CDK12: variants seen among roughly 807,000 people sequenced by gnomAD.
CDK12 encodes cyclin-dependent kinase 12.
CDK12 carries 17 observed loss-of-function variants against 133.8 expected under a neutral mutation model. That is an observed-to-expected ratio of 0.13 (90% CI 0.09 to 0.19). The LOEUF (loss-of-function observed/expected upper bound fraction) is 0.19. Among genes scored for constraint, CDK12 ranks in the 10% least tolerant of loss-of-function variants. CDK12 has a pLI of 1.00. For missense variants in CDK12, 1,508 were observed against 1,818.7 expected (o/e 0.83, Z 3.11); for synonymous variants, 694 against 683.6 (o/e 1.02, Z -0.24).
At chr17:39,536,551 C>T (rs543020577), downstream of CDK12, among the ~76,000 whole-genome samples, 3 of 152,300 alleles carry the variant, frequency 2.0e-5, no homozygotes, top group Admixed American at 2.0e-4. Flanking sequence ...TTATCCTCTT[C>T]TTCCATATCC....
At chr17:39,480,481 G>T (rs752746575) in intron 2 of CDK12, among the ~76,000 whole-genome samples, 7 of 151,756 alleles carry the variant, frequency 4.6e-5, no homozygotes, top group Non-Finnish European at 8.8e-5. Flanking sequence ...TTTGCTAGTT[G>T]CCCAGGCTGG....
In CDK12 at chr17:39,531,093, G is replaced by A. The variant is rs1425980705; in HGVS notation, c.4250G>A (p.Gly1417Glu). 1 of 1,593,220 alleles carries A rather than the reference G, an allele frequency of 6.3e-7. No homozygotes were observed. The highest frequency in any genetic ancestry group is 2.2e-5 in the East Asian group (1 of 44,750). The change falls in exon 14 of 14, where the codon GGG becomes GAG. Residue 1417 changes from glycine (G) to glutamate (E), a missense_variant. Physicochemically the swap from Gly to Glu is moderately conservative, Grantham distance 98. This residue lies in a region of CDK12 where 114 missense variants were observed against 101.2 expected (regional missense o/e 1.13). Transcript: ENST00000447079. ...RVPLALHPVV[G>E]QPFLKAEGSS... ...CCCTTAGCGTTACACCCGGTGGTCG[G>A]GCAACCATTCCTGAAGGCTGAGGGA...
chr17:39,558,775 C>T (rs1003663513), intron 3 of CDK12, among the ~76,000 whole-genome samples: 7 of 152,148 alleles, frequency 4.6e-5, no homozygotes, highest in Non-Finnish European at 8.8e-5. Flanking sequence ...TCCCACGTAG[C>T]TGGGATTATA....
intron 6 of CDK12, among the ~76,000 whole-genome samples, chr17:39,503,308 A>G (rs1165771564): frequency 1.3e-5 from 2 of 152,138 alleles, no homozygotes; most frequent in African/African-American, 2.4e-5. Flanking sequence ...CCTGACCTCA[A>G]GTGATCTGCC....
chr17:39,525,955 A>C lies in CDK12; in HGVS notation c.3399A>C (p.Gln1133His). 6.2e-7 allele frequency: 1 copy of C among 1,614,206 alleles called. No individual in the cohort carries two copies. The highest frequency in any genetic ancestry group is 8.5e-7 in the Non-Finnish European group (1 of 1,180,042). ...LQSQTDLSIP[Q>H]MAQLLNIHSN... ...GCCAAACCGACCTGAGCATCCCTCA[A>C]ATGGCACAGCTGCTTAACATCCACT... Residue 1133 changes from glutamine to histidine, a missense_variant, in exon 13 of 14, where the codon CAA (glutamine) becomes CAC (histidine). By Grantham distance (24) the Gln-to-His change is conservative. Transcript: ENST00000447079.
At chr17:39,506,746 T>TG (rs1487014516) in intron 6 of CDK12, among the ~76,000 whole-genome samples, 1 of 152,122 alleles carries the variant, frequency 6.6e-6, no homozygotes, top group Non-Finnish European at 1.5e-5. Context: ...ACTGTGTACT[T>TG]GAAGTTCTTC....
At chr17:39,470,234 C>CCT (rs1408313757) in intron 1 of CDK12, among the ~76,000 whole-genome samples, 1 of 151,726 alleles carries the variant, frequency 6.6e-6, no homozygotes, top group Non-Finnish European at 1.5e-5. Context: ...CATTCTCCTG[C>CCT]CTCAGCCTCC....
At chr17:39,562,184 C>T (rs1209113948) in intron 3 of CDK12, among the ~76,000 whole-genome samples, 4 of 152,078 alleles carry the variant, frequency 2.6e-5, no homozygotes, top group South Asian at 2.1e-4. Flanking sequence ...GTGATCCACC[C>T]GCCTCAGCCT....
At chr17:39,521,107 A>T (rs969119768) in intron 11 of CDK12, among the ~76,000 whole-genome samples, 6 of 151,442 alleles carry the variant, frequency 4.0e-5, no homozygotes, top group Non-Finnish European at 7.4e-5. Flanking sequence ...GGCCTCCCAA[A>T]GTGCTGGGAT....
At chr17:39,539,157 TA>T (rs1273833864), downstream of CDK12, among the ~76,000 whole-genome samples, 2 of 152,156 alleles carry the variant, frequency 1.3e-5, no homozygotes, top group Non-Finnish European at 2.9e-5. Context: ...AACATGTTGA[TA>T]AGAGTTAGGA....
chr17:39,515,693 G>T, intron 8 of CDK12, 38 bp from the exon 9 acceptor site: 1 of 1,411,496 alleles, frequency 7.1e-7, no homozygotes, highest in South Asian at 1.2e-5. Context: ...TAGGCTCTAA[G>T]AATTTCTCTT....
At chr17:39,473,474 G>A (rs2049952691) in intron 2 of CDK12, among the ~76,000 whole-genome samples, 1 of 152,134 alleles carries the variant, frequency 6.6e-6, no homozygotes, top group South Asian at 2.1e-4. Context: ...GGGCTTGGTG[G>A]CTCACGCCTG....
At chr17:39,535,637 C>T (rs2055100895), downstream of CDK12, among the ~76,000 whole-genome samples, 1 of 152,182 alleles carries the variant, frequency 6.6e-6, no homozygotes. Context: ...CTAGATTTTT[C>T]TGTCATACCC....
rs1037663301 is a variant in CDK12, at chr17:39,524,860, G to T, written c.3282G>T (p.Val1094=). 1 of 1,613,984 alleles carries T rather than the reference G, an allele frequency of 6.2e-7. No homozygotes were observed. Among genetic ancestry groups the T allele is most frequent in the Non-Finnish European group, 8.5e-7 (1 of 1,179,876 alleles). ...PAPPQPAPGK[V]ESGAGDAIGL... ...CACCTCAGCCTGCTCCTGGCAAGGT[G>T]GAGTCTGGGGCTGGGGATGCAATAG... Residue 1094 remains valine (V), a synonymous_variant, in exon 12 of 14, where the codon GTG becomes GTT. Coordinates refer to ENST00000447079, the MANE Select transcript of CDK12 (RefSeq NM_016507.4).
chr17:39,559,361 A>G (rs2056282508), intron 3 of CDK12, among the ~76,000 whole-genome samples: 1 of 152,238 alleles, frequency 6.6e-6, no homozygotes, highest in Admixed American at 6.5e-5. Flanking sequence ...ATGTATATAT[A>G]TTAAGTACTA....
At position 39,532,097 on chromosome 17, in the gene CDK12, TC is replaced by T. The variant is rs1395797185; in HGVS notation, c.*782del. The T allele has an allele frequency of 4.4e-5, 8 of 181,536 alleles. No homozygotes were observed. The highest frequency in any genetic ancestry group is 1.8e-4 in the Admixed American group (2 of 11,154). The allele number at this position is 181,536 out of a possible 1,614,324, so 11.2% of individuals were successfully genotyped here. A position where few individuals can be genotyped will look rare whatever the true frequency, so the allele number is the denominator to read the frequency against. ...TTTTTGCTGATGTGTGCTCTCTCTC[TC>T]TCTTTCTCTCTCTCTCTCTCTCTCT... On this transcript the variant is annotated 3_prime_UTR_variant, in exon 14 of 14. Transcript: ENST00000447079.
chr17:39,511,470 G>C (rs2146368709), intron 7 of CDK12, 59 bp from the exon 8 acceptor site: 4 of 1,088,204 alleles, frequency 3.7e-6, no homozygotes, highest in Non-Finnish European at 4.2e-6. Context: ...TTAGTTATGT[G>C]AATATTTTTC....
At chr17:39,474,455 A>G (rs1241676956) in intron 2 of CDK12, among the ~76,000 whole-genome samples, 1 of 152,026 alleles carries the variant, frequency 6.6e-6, no homozygotes, top group Non-Finnish European at 1.5e-5. Flanking sequence ...ACTAGTTGGG[A>G]TTACAGGTGC....
At chr17:39,523,253 C>G (rs550041451) in intron 11 of CDK12, among the ~76,000 whole-genome samples, 63 of 152,172 alleles carry the variant, frequency 4.1e-4, no homozygotes, top group Non-Finnish European at 6.0e-4. Context: ...GCAGGCAGAT[C>G]ACCTGAGGTC....
Sources: gnomAD v4.1 joint callset for allele counts (sites outside exome capture counted in the v4.1 genomes callset) on GRCh38, gnomAD v4.1.1 for gene constraint, gnomAD v4.1.1 regional missense constraint, MANE v1.5 for transcripts, NCBI Gene and HGNC (gene_info 2026-07-23, HGNC 2026-07-21) for gene names.